The following FBXO41 variants were observed in gnomAD, a reference collection of about 807,000 sequenced individuals.
FBXO41 encodes F-box only protein 41.
In FBXO41, 33 loss-of-function variants were observed where a neutral mutation model predicts 81.6. That is an observed-to-expected ratio of 0.40 (90% CI 0.31 to 0.54). FBXO41 has a LOEUF of 0.54. Ranked by LOEUF, FBXO41 falls within the 20% of genes least tolerant of loss-of-function variation. The pLI is 0.39. For missense variants in FBXO41, 1,107 were observed against 1,236.0 expected (o/e 0.90, Z 1.56); for synonymous variants, 576 against 552.7 (o/e 1.04, Z -0.59).
intron 1 of FBXO41, among the ~76,000 whole-genome samples, chr2:73,274,821 CT>C (rs1319109195): frequency 1.3e-5 from 2 of 152,152 alleles, no homozygotes; most frequent in Non-Finnish European, 2.9e-5. Flanking sequence ...CCACCTCAAC[CT>C]CCCAAAGTGC....
At chr2:73,276,601 A>AGAGG (rs750214902) in intron 1 of FBXO41, among the ~76,000 whole-genome samples, 2 of 84,506 alleles carry the variant, frequency 2.4e-5, no homozygotes, top group Admixed American at 1.2e-4. Context: ...AGAGAGAGAG[A>AGAGG]GAGGGAGAGA....
In FBXO41 at chr2:73,259,984, G is replaced by C. The variant is rs1005024367; in HGVS notation, c.2449+405C>G. ...CCTCAGTGCAGGTGGAGTAGTGACT[G>C]AGAGTGGAGTGGGTGGTTTGAGAAA... On this transcript the variant is annotated intron_variant, in intron 11 of 12. Transcript: ENST00000520530. This position sits in a 1 kb window ranked among gnomAD's most constrained non-coding sequence, Gnocchi z 4.2. Among the ~76,000 whole-genome samples, 2 of 151,042 alleles carry C rather than the reference G, an allele frequency of 1.3e-5. No homozygotes were observed. Among genetic ancestry groups the C allele is most frequent in the African/African-American group, 4.9e-5 (2 of 40,938 alleles).
At chr2:73,268,605 G>T in intron 2 of FBXO41, 121 bp downstream of exon 2, 1 of 987,414 alleles carries the variant, frequency 1.0e-6, no homozygotes, top group African/African-American at 1.7e-5. Flanking sequence ...TCCTGGCCAC[G>T]GATCCTCTAT....
Position 73,260,866 on chromosome 2 carries a change from A to G in FBXO41, c.2172-8T>C. 6.4e-7 allele frequency: 1 copy of G among 1,551,862 alleles called. No individual in the cohort carries two copies. ...AAGCGTGTGGGCTGCTGGCTGGAGA[A>G]TGGGAAGGGGGAGCCGTCAGGGAAG... On this transcript the variant is annotated splice_region_variant and splice_polypyrimidine_tract_variant and intron_variant, in intron 9 of 12. Transcript: ENST00000520530. The surrounding 1 kb of genome is among the most constrained non-coding windows in gnomAD (Gnocchi z 5.0).
intron 1 of FBXO41, among the ~76,000 whole-genome samples, chr2:73,279,259 G>C (rs933321997): frequency 2.6e-5 from 4 of 152,086 alleles, no homozygotes; most frequent in Non-Finnish European, 5.9e-5. Context: ...AATGGAGGAA[G>C]GCAAGTTTTG....
rs1574369765 is a variant in FBXO41 at position 73,254,769 on chromosome 2, ACT to A, written c.*4211_*4212del. The A allele has an allele frequency of 6.6e-6, 1 of 152,470 alleles. No individual in the cohort carries two copies. Among genetic ancestry groups the A allele is most frequent in the East Asian group, 1.9e-4 (1 of 5,180 alleles). The allele number at this position is 152,470 out of a possible 1,614,324, so 9.4% of individuals were successfully genotyped here. ...CATGTGAGTCCTTTTAAATACATAC[ACT>A]CAGGTACATTCAGCAAAGGGCATCT... On this transcript the variant is annotated 3_prime_UTR_variant, in exon 13 of 13. Coordinates refer to ENST00000520530, the MANE Select transcript of FBXO41 (RefSeq NM_001371389.2).
At position 73,263,687 on chromosome 2, in the gene FBXO41, A is replaced by G; in HGVS notation, c.2066T>C (p.Val689Ala). ...TAGTCGGTTGACCCACCTGTACGTG[A>G]CAGCCTGCAGGGCACGGCAGTAGCA... The part of the protein sequence containing the change: ...ASCYCRALQA[V>A]TYRSATDPVG... The change falls in exon 8 of 13, where the codon GTC (valine) becomes GCC (alanine). Residue 689 changes from valine (V) to alanine (A), a missense_variant. Coordinates refer to ENST00000520530, the MANE Select transcript of FBXO41 (RefSeq NM_001371389.2). The G allele has an allele frequency of 6.2e-7, 1 of 1,613,428 alleles. No homozygotes were observed. Among genetic ancestry groups the G allele is most frequent in the African/African-American group, 1.3e-5 (1 of 75,032 alleles).
At position 73,264,009 on chromosome 2, in the gene FBXO41, C is replaced by T. The variant is rs1414891952; in HGVS notation, c.1851G>A (p.Leu617=). 1.9e-6 allele frequency: 3 copies of T among 1,603,964 alleles called. No homozygotes were observed. In the South Asian group the frequency reaches 3.4e-5, roughly 18 times the overall value. The change falls in exon 7 of 13, where the codon CTG becomes CTA. Residue 617 remains leucine, a synonymous_variant. Transcript: ENST00000520530. ...GCCGGGGCTTCAAGTTCTGCAGCGT[C>T]AGAGAGTGGGCCTGGGTGCACCACT... is the stretch of plus-strand genomic sequence containing the variant. ...LAQWCTQAHS[L]TLQNLKPRQR...
At chr2:73,265,776 AG>A (rs916426036) in intron 4 of FBXO41, 116 bp downstream of exon 4, 1 of 1,434,670 alleles carries the variant, frequency 7.0e-7, no homozygotes, top group African/African-American at 1.4e-5. Flanking sequence ...GTGGAAAGGC[AG>A]ACATACGTGA....
chr2:73,269,451 A>AGCGGCGGCGGCGGCC lies in FBXO41; in HGVS notation c.165_179dup (p.Ala57_Ala61dup), dbSNP rs745776576. 1.1e-4 allele frequency: 144 copies of AGCGGCGGCGGCGGCC among 1,291,818 alleles called. No homozygotes were observed. The highest frequency in any genetic ancestry group is 1.7e-4 in the African/African-American group (11 of 63,768). The allele number at this position is 1,291,818 out of a possible 1,614,324, so 80.0% of individuals were successfully genotyped here. On this transcript the variant is annotated inframe_insertion, in exon 2 of 13. Transcript: ENST00000520530. This position sits in a 1 kb window ranked among gnomAD's most constrained non-coding sequence, Gnocchi z 7.0. The stretch of plus-strand genomic sequence containing the variant: ...CGGGAGCCAGCGGGAACCCCGAGGC[A>AGCGGCGGCGGCGGCC]GCGGCGGCGGCGGCCGCGGCGGCGG...
In FBXO41 at chr2:73,265,916, C is replaced by A; in HGVS notation, c.1182G>T (p.Arg394=). The change falls in exon 4 of 13, where the codon CGG becomes CGT. Residue 394 remains arginine, a synonymous_variant. Coordinates refer to ENST00000520530, the MANE Select transcript of FBXO41 (RefSeq NM_001371389.2). ...ACCCTGTGCTCGGAGAGGAGCCATG[C>A]CGTGACACTGCATATGTGTTAGGCA... ...PAVPNTYAVS[R]HGSSPSTGAS... The A allele has an allele frequency of 6.3e-7, 1 of 1,586,992 alleles. No homozygotes were observed. Among genetic ancestry groups the A allele is most frequent in the Non-Finnish European group, 8.6e-7 (1 of 1,166,598 alleles).
chr2:73,281,841 A>G (rs574440026), intron 1 of FBXO41, among the ~76,000 whole-genome samples: 34 of 152,334 alleles, frequency 2.2e-4, no homozygotes, highest in African/African-American at 8.2e-4. Context: ...CAACCTAATG[A>G]ATAACTAAAA....
intron 1 of FBXO41, among the ~76,000 whole-genome samples, chr2:73,280,739 T>G (rs1203965538): frequency 6.6e-6 from 1 of 152,196 alleles, no homozygotes; most frequent in Non-Finnish European, 1.5e-5. Flanking sequence ...TCTTCAAGGA[T>G]GTGGTAGCAG....
intron 1 of FBXO41, chr2:73,270,963 C>T (rs776531734): frequency 1.9e-6 from 1 of 529,980 alleles, no homozygotes; most frequent in East Asian, 5.5e-5. Flanking sequence ...GTTGACCCCT[C>T]CATCTTCACA....
rs1285537150 is a variant in FBXO41 at position 73,269,979 on chromosome 2, GGCAGGC to G, written c.-138-217_-138-212del. On this transcript the variant is annotated intron_variant, in intron 1 of 12. Coordinates refer to ENST00000520530, the MANE Select transcript of FBXO41 (RefSeq NM_001371389.2). The surrounding 1 kb of genome is among the most constrained non-coding windows in gnomAD (Gnocchi z 7.0). ...GAATGAGATAATCTGTTTTTAAAGG[GGCAGGC>G]GCGTAATCACTTTTATTTATAATGG... is the stretch of plus-strand genomic sequence containing the variant. 5.9e-5 allele frequency among the ~76,000 whole-genome samples: 9 copies of G among 152,144 alleles called. No individual in the cohort carries two copies. The highest frequency in any genetic ancestry group is 2.2e-4 in the African/African-American group (9 of 41,422).
chr2:73,269,515 T>A lies in FBXO41; in HGVS notation c.116A>T (p.Tyr39Phe). 7.3e-7 allele frequency: 1 copy of A among 1,367,782 alleles called. No individual in the cohort carries two copies. Among genetic ancestry groups the A allele is most frequent in the Non-Finnish European group, 9.5e-7 (1 of 1,051,192 alleles). 84.7% of individuals were successfully genotyped at this position (1,367,782 alleles called of 1,614,324 possible). ...LEYSHTYETL[Y>F]ILSKTNSICD... Reference sequence around the variant, plus strand: ...GATGCTGTTGGTCTTGGAGAGGATGTAGAGCGTCTCGTAGGTGTGGCTGTA... The same window carrying A: ...GATGCTGTTGGTCTTGGAGAGGATGAAGAGCGTCTCGTAGGTGTGGCTGTA... Residue 39 changes from tyrosine to phenylalanine, a missense_variant, in exon 2 of 13, where the codon TAC (tyrosine) becomes TTC (phenylalanine). Tyr to Phe is a conservative substitution (Grantham distance 22). Coordinates refer to ENST00000520530, the MANE Select transcript of FBXO41 (RefSeq NM_001371389.2). The surrounding 1 kb of genome is among the most constrained non-coding windows in gnomAD (Gnocchi z 7.0).
chr2:73,260,626 G>A lies in FBXO41; in HGVS notation c.2291-79C>T. ...CAGCCAGCACCCTGGCTACCACCCT[G>A]CCACCTGCCACCACCCAGGCTGCAG... On this transcript the variant is annotated intron_variant, in intron 10 of 12. Coordinates refer to ENST00000520530, the MANE Select transcript of FBXO41 (RefSeq NM_001371389.2). The surrounding 1 kb of genome is among the most constrained non-coding windows in gnomAD (Gnocchi z 5.0). 2.6e-6 allele frequency: 4 copies of A among 1,537,062 alleles called. No homozygotes were observed. Among genetic ancestry groups the A allele is most frequent in the Non-Finnish European group, 1.8e-6 (2 of 1,137,450 alleles).
In FBXO41 at chr2:73,268,790, C is replaced by A. The variant is rs758307520; in HGVS notation, c.841G>T (p.Glu281Ter). 1.3e-6 allele frequency: 2 copies of A among 1,582,752 alleles called. No individual in the cohort carries two copies. Among genetic ancestry groups the A allele is most frequent in the Non-Finnish European group, 1.7e-6 (2 of 1,164,606 alleles). ...TCCTGCTTGAGTGAGGCCAGCAGCT[C>A]TACGCTCACGTCCACCTGGCGGGAG... is the stretch of plus-strand genomic sequence containing the variant. ...ELSRQVDVSV[E>*]LLASLKQDLV... is the part of the protein sequence containing the mutation. The change falls in exon 2 of 13, where the codon GAG (glutamate) becomes TAG (stop). Residue 281 changes from glutamate (E) to a stop codon, truncating the protein, a stop_gained. Transcript: ENST00000520530. LOFTEE classifies it high-confidence loss of function.
Position 73,258,856 on chromosome 2 carries a change from T to TC in FBXO41, c.*125dup. ...AGGAGGAGGACAGGAGACTTGACAGTCCCCCTCCAGAAGCCAGGGATAACA... is the reference window on the plus strand; with the variant it reads ...AGGAGGAGGACAGGAGACTTGACAGTCCCCCCTCCAGAAGCCAGGGATAACA... On this transcript the variant is annotated 3_prime_UTR_variant, in exon 13 of 13. Coordinates refer to ENST00000520530, the MANE Select transcript of FBXO41 (RefSeq NM_001371389.2). The TC allele has an allele frequency of 6.7e-6, 7 of 1,047,958 alleles. 1 individual carries two copies. In the South Asian group the frequency reaches 1.2e-4, roughly 17 times the overall value. The allele number at this position is 1,047,958 out of a possible 1,614,324, so 64.9% of individuals were successfully genotyped here. A position where few individuals can be genotyped will look rare whatever the true frequency, so the allele number is the denominator to read the frequency against.
Sources: gnomAD v4.1 joint callset for allele counts (sites outside exome capture counted in the v4.1 genomes callset) on GRCh38, gnomAD v4.1.1 for gene constraint, Gnocchi (gnomAD v3.1) non-coding constraint, MANE v1.5 for transcripts, NCBI Gene and HGNC (gene_info 2026-07-23, HGNC 2026-07-21) for gene names.